Variants in KLHL29 observed in about 807,000 individuals in gnomAD.
KLHL29 encodes kelch like family member 29.
KLHL29 carries 21 observed loss-of-function variants against 80.4 expected under a neutral mutation model. The observed-to-expected ratio is 0.26, with a 90% confidence interval of 0.19 to 0.38. The LOEUF (loss-of-function observed/expected upper bound fraction) is 0.38, where lower values mean the gene tolerates loss of function less well. Among genes scored for constraint, KLHL29 ranks in the 10% least tolerant of loss-of-function variants. KLHL29 has a pLI of 1.00. For synonymous variants in KLHL29, 511 were observed against 526.8 expected (o/e 0.97, Z 0.41); for missense variants, 867 against 1,223.9 (o/e 0.71, Z 4.35).
At chr2:23,664,667 TC>T (rs1670505741) in intron 5 of KLHL29, among the ~76,000 whole-genome samples, 1 of 152,172 alleles carries the variant, frequency 6.6e-6, no homozygotes, top group Non-Finnish European at 1.5e-5. Flanking sequence ...CCTGCACCTC[TC>T]CCCTTCCAGC....
At chr2:23,646,331 AC>A (rs1669932954) in intron 5 of KLHL29, among the ~76,000 whole-genome samples, 1 of 152,134 alleles carries the variant, frequency 6.6e-6, no homozygotes, top group Non-Finnish European at 1.5e-5. Flanking sequence ...AGCTATTTCT[AC>A]CCCTGCCTTC....
At chr2:23,545,951 G>T (rs1295562277) in intron 2 of KLHL29, among the ~76,000 whole-genome samples, 5 of 152,218 alleles carry the variant, frequency 3.3e-5, no homozygotes, top group African/African-American at 1.2e-4. Context: ...GTGGGTGTCA[G>T]CCCTGCTCTG....
chr2:23,541,652 G>A (rs991699962), intron 2 of KLHL29, among the ~76,000 whole-genome samples: 1 of 152,084 alleles, frequency 6.6e-6, no homozygotes, highest in Non-Finnish European at 1.5e-5. Flanking sequence ...GGTGTCAGAG[G>A]CAGCAACCCT....
intron 2 of KLHL29, among the ~76,000 whole-genome samples, chr2:23,479,882 A>G (rs974569750): frequency 3.9e-5 from 6 of 152,208 alleles, no homozygotes; most frequent in African/African-American, 1.4e-4. Context: ...GGCCCTGTTC[A>G]TGCATATCTC....
chr2:23,676,733 A>G (rs1670932999), intron 5 of KLHL29, among the ~76,000 whole-genome samples: 1 of 152,234 alleles, frequency 6.6e-6, no homozygotes, highest in Non-Finnish European at 1.5e-5. Context: ...ATTCAAAGTG[A>G]AGGAACAGGA....
intron 1 of KLHL29, among the ~76,000 whole-genome samples, chr2:23,407,302 A>G (rs1666759252): frequency 6.6e-6 from 1 of 151,748 alleles, no homozygotes; most frequent in African/African-American, 2.4e-5. Context: ...ACTTTACCCT[A>G]TTCTATCCTA....
chr2:23,452,910 G>C (rs73921821), intron 1 of KLHL29, among the ~76,000 whole-genome samples: 5,593 of 137,246 alleles, frequency 0.041, 143 homozygotes, highest in African/African-American at 0.079. Context: ...TCACCCCCCC[G>C]CCCACACACA....
intron 3 of KLHL29, among the ~76,000 whole-genome samples, chr2:23,584,312 T>C (rs1398831270): frequency 6.6e-6 from 1 of 152,144 alleles, no homozygotes; most frequent in Non-Finnish European, 1.5e-5. Flanking sequence ...GGATATTTAT[T>C]CCTTAACCGC....
intron 5 of KLHL29, among the ~76,000 whole-genome samples, chr2:23,648,132 C>T (rs1447839072): frequency 6.6e-6 from 1 of 152,100 alleles, no homozygotes; most frequent in Non-Finnish European, 1.5e-5. Flanking sequence ...TGACCCACGC[C>T]TCTGGGGACA....
intron 1 of KLHL29, among the ~76,000 whole-genome samples, chr2:23,468,643 C>G (rs1157990011): frequency 6.6e-6 from 1 of 152,166 alleles, no homozygotes; most frequent in Non-Finnish European, 1.5e-5. Flanking sequence ...TCTCCTGTCC[C>G]CACGGCCGTC....
At chr2:23,584,052 G>A (rs968095155) in intron 3 of KLHL29, among the ~76,000 whole-genome samples, 14 of 152,270 alleles carry the variant, frequency 9.2e-5, no homozygotes, top group Non-Finnish European at 2.1e-4. Flanking sequence ...GGGCCTTCTA[G>A]AGACAGAAGG....
At chr2:23,479,638 C>T (rs1025627158) in intron 2 of KLHL29, among the ~76,000 whole-genome samples, 7 of 152,164 alleles carry the variant, frequency 4.6e-5, no homozygotes, top group African/African-American at 1.4e-4. Context: ...TCCAGTGGCT[C>T]ATGCGTAGCA....
intron 2 of KLHL29, among the ~76,000 whole-genome samples, chr2:23,519,924 G>T (rs1666044127): frequency 6.6e-6 from 1 of 152,134 alleles, no homozygotes; most frequent in African/African-American, 2.4e-5. Context: ...ATCTCAGTGG[G>T]CAGAGGAACT....
Position 23,457,212 on chromosome 2 carries a change from A to G in KLHL29, c.-153-18348A>G, listed in dbSNP as rs1449421885. On this transcript the variant is annotated intron_variant, in intron 1 of 13. Transcript: ENST00000486442. This position sits in a 1 kb window ranked among gnomAD's most constrained non-coding sequence, Gnocchi z 4.3. Reference sequence around the variant, plus strand: ...GCGCAGGGTGCAGAGTAACCCTCACATGCACAGTGACTGGTGTAGGATGAT... The same window carrying G: ...GCGCAGGGTGCAGAGTAACCCTCACGTGCACAGTGACTGGTGTAGGATGAT... 1.3e-5 allele frequency among the ~76,000 whole-genome samples: 2 copies of G among 152,220 alleles called. No homozygotes were observed. Among genetic ancestry groups the G allele is most frequent in the Non-Finnish European group, 2.9e-5 (2 of 68,042 alleles).
At chr2:23,595,179 G>C (rs1372416238) in intron 3 of KLHL29, among the ~76,000 whole-genome samples, 1 of 152,142 alleles carries the variant, frequency 6.6e-6, no homozygotes, top group Non-Finnish European at 1.5e-5. Flanking sequence ...AGAGGGCCTG[G>C]GAAGGGAAGG....
chr2:23,441,004 A>G (rs1410897589), intron 1 of KLHL29, among the ~76,000 whole-genome samples: 7 of 152,206 alleles, frequency 4.6e-5, no homozygotes, highest in African/African-American at 1.7e-4. Flanking sequence ...GCTATAAATC[A>G]TGCTGCTATA....
At chr2:23,675,422 C>G (rs995802238) in intron 5 of KLHL29, among the ~76,000 whole-genome samples, 3 of 152,146 alleles carry the variant, frequency 2.0e-5, no homozygotes, top group African/African-American at 7.2e-5. Context: ...CTCCTCCGTT[C>G]CTTCCTAAAC....
intron 5 of KLHL29, among the ~76,000 whole-genome samples, chr2:23,663,470 CG>C (rs972514290): frequency 5.2e-4 from 79 of 152,348 alleles, no homozygotes; most frequent in African/African-American, 1.8e-3. Flanking sequence ...GGGAGGTTCC[CG>C]GGCCCGCGGA....
intron 1 of KLHL29, among the ~76,000 whole-genome samples, chr2:23,436,016 T>C (rs903244600): frequency 1.3e-5 from 2 of 151,956 alleles, no homozygotes; most frequent in African/African-American, 4.8e-5. Flanking sequence ...ATCCTCCGGC[T>C]ATTTCTAATC....
Sources: allele counts gnomAD v4.1 joint callset (sites outside exome capture counted in the v4.1 genomes callset), GRCh38; gene constraint gnomAD v4.1.1; non-coding constraint Gnocchi (gnomAD v3.1); transcripts MANE v1.5; gene names NCBI Gene and HGNC (gene_info 2026-07-23, HGNC 2026-07-21).